The following XRN1 variants were observed in gnomAD, a reference collection of about 807,000 sequenced individuals.
XRN1 encodes 5'-3' exoribonuclease 1.
XRN1 carries 67 observed loss-of-function variants against 222.3 expected under a neutral mutation model. The ratio of observed to expected loss-of-function variants is 0.30; its 90% CI spans 0.25 to 0.37. The LOEUF is 0.37. Ranked by LOEUF, XRN1 falls within the 10% of genes least tolerant of loss-of-function variation. The pLI, the probability that XRN1 is intolerant of heterozygous loss-of-function variation, is 1.00. For synonymous variants in XRN1, 643 were observed against 652.4 expected (o/e 0.99, Z 0.22); for missense variants, 1,707 against 2,000.2 (o/e 0.85, Z 2.80).
At chr3:142,373,500 CAGG>C in intron 25 of XRN1, among the ~76,000 whole-genome samples, 1 of 151,900 alleles carries the variant, frequency 6.6e-6, no homozygotes. Flanking sequence ...AAGAGCTGAA[CAGG>C]AGAAGGGAAG....
chr3:142,387,577 T>C (rs2067553507), intron 20 of XRN1, among the ~76,000 whole-genome samples: 1 of 152,206 alleles, frequency 6.6e-6, no homozygotes, highest in Non-Finnish European at 1.5e-5. Context: ...ATTTTTCTGT[T>C]TCCCAGTACA....
intron 2 of XRN1, among the ~76,000 whole-genome samples, chr3:142,432,250 T>TA (rs1559880914): frequency 4.8e-5 from 6 of 124,032 alleles, no homozygotes; most frequent in African/African-American, 1.9e-4. Flanking sequence ...TAAAATTTAT[T>TA]TTATATATAT....
rs1300155729 is a variant in XRN1 at position 142,311,372 on chromosome 3, ATAACT to A, written c.*134_*138del. ...TTTTAAACAGCATGAAAAGTGCCTG[ATAACT>A]TAAAAATGAAAAAAATTTCAATTTA... is the stretch of plus-strand genomic sequence containing the variant. On this transcript the variant is annotated 3_prime_UTR_variant, in exon 41 of 41. Transcript: ENST00000392981. 21 of 795,778 alleles carry A rather than the reference ATAACT, an allele frequency of 2.6e-5. No individual in the cohort carries two copies. The highest frequency in any genetic ancestry group is 7.9e-5 in the South Asian group (3 of 37,810). 49.3% of individuals were successfully genotyped at this position (795,778 alleles called of 1,614,324 possible).
intron 39 of XRN1, among the ~76,000 whole-genome samples, chr3:142,313,759 C>T (rs1253974528): frequency 1.3e-5 from 2 of 152,128 alleles, no homozygotes; most frequent in East Asian, 1.9e-4. Context: ...TTAGGCGAGG[C>T]GCAGTGGCTC....
At chr3:142,313,225 T>C in intron 39 of XRN1, 1 of 1,560,644 alleles carries the variant, frequency 6.4e-7, no homozygotes, top group Non-Finnish European at 8.7e-7. Flanking sequence ...CACCTTCATA[T>C]GACAGGTAGA....
chr3:142,312,633 G>C lies in XRN1; in HGVS notation c.4747C>G (p.Pro1583Ala). 1 of 1,613,016 alleles carries C rather than the reference G, an allele frequency of 6.2e-7. No homozygotes were observed. ...SGTMPMAGGI[P>A]GGVHNQFIPL... ...ATAAACTGATTGTGCACACCCCCTGGTATTCCCCCAGCCATGGGCATGGTC... is the reference window on the plus strand; with the variant it reads ...ATAAACTGATTGTGCACACCCCCTGCTATTCCCCCAGCCATGGGCATGGTC... Residue 1583 changes from proline (P) to alanine (A), a missense_variant, in exon 40 of 41, where the codon CCA becomes GCA. Coordinates refer to ENST00000392981, the MANE Select transcript of XRN1 (RefSeq NM_001282857.2).
chr3:142,366,937 T>A (rs936535711), intron 27 of XRN1, among the ~76,000 whole-genome samples: 1 of 152,172 alleles, frequency 6.6e-6, no homozygotes, highest in East Asian at 1.9e-4. Flanking sequence ...ATATCTAATG[T>A]ATGAGAAGTT....
chr3:142,346,425 GT>G (rs1335902314), intron 33 of XRN1, among the ~76,000 whole-genome samples: 1 of 151,598 alleles, frequency 6.6e-6, no homozygotes, highest in Non-Finnish European at 1.5e-5. Flanking sequence ...ATACTGTATT[GT>G]TTAGGGGAAT....
At chr3:142,421,627 G>T (rs938492275) in intron 8 of XRN1, 84 bp from the exon 9 acceptor site, 4 of 1,009,510 alleles carry the variant, frequency 4.0e-6, no homozygotes, top group Admixed American at 4.9e-5. Flanking sequence ...ACAAAATGTT[G>T]AATGTTCATG....
intron 2 of XRN1, among the ~76,000 whole-genome samples, chr3:142,428,393 CAAAAAAA>C (rs56759656): frequency 1.8e-4 from 15 of 85,618 alleles, no homozygotes; most frequent in African/African-American, 4.8e-4. Context: ...CAAGACTCTC[CAAAAAAA>C]AAAAAAAAAA....
chr3:142,328,048 A>C (rs1351708306), intron 37 of XRN1, among the ~76,000 whole-genome samples: 1 of 152,176 alleles, frequency 6.6e-6, no homozygotes, highest in Non-Finnish European at 1.5e-5. Context: ...TATATACACC[A>C]CATTTTCTTT....
intron 40 of XRN1, among the ~76,000 whole-genome samples, chr3:142,312,245 G>A (rs986036615): frequency 4.6e-5 from 7 of 152,000 alleles, no homozygotes; most frequent in East Asian, 1.9e-4. Flanking sequence ...CATGGGCTGC[G>A]TTCCAGCCTG....
At chr3:142,407,803 T>TGCA (rs1264217689) in intron 15 of XRN1, 1 of 152,216 alleles carries the variant, frequency 6.6e-6, no homozygotes, top group Non-Finnish European at 1.5e-5. Context: ...ACCAGTCTGT[T>TGCA]AAATGTTCAC....
chr3:142,408,302 G>A (rs960318153), intron 15 of XRN1, among the ~76,000 whole-genome samples: 1 of 152,220 alleles, frequency 6.6e-6, no homozygotes, highest in East Asian at 1.9e-4. Context: ...CCTGCCATTG[G>A]CGCATCTGGC....
intron 1 of XRN1, among the ~76,000 whole-genome samples, chr3:142,443,610 G>A (rs1033862197): frequency 1.3e-5 from 2 of 152,244 alleles, no homozygotes; most frequent in African/African-American, 2.4e-5. Flanking sequence ...TTGTATGGGA[G>A]CTCTGTTTTC....
intron 5 of XRN1, among the ~76,000 whole-genome samples, 177 bp downstream of exon 5, chr3:142,425,045 A>G (rs2069191323): frequency 3.3e-5 from 5 of 152,184 alleles, no homozygotes; most frequent in Admixed American, 6.5e-5. Context: ...TCAATAAACT[A>G]TGGTTAAAAA....
At chr3:142,410,485 A>ATTTTTTT in intron 15 of XRN1, among the ~76,000 whole-genome samples, 1 of 93,456 alleles carries the variant, frequency 1.1e-5, no homozygotes, top group Non-Finnish European at 2.0e-5. Flanking sequence ...ATTCTATCTC[A>ATTTTTTT]TGTTTTTTTT....
intron 27 of XRN1, among the ~76,000 whole-genome samples, chr3:142,369,672 CAA>C (rs750348387): frequency 5.9e-5 from 8 of 136,552 alleles, no homozygotes; most frequent in East Asian, 2.2e-4. Context: ...AAAAAAAAAA[CAA>C]GAGTATATTT....
At chr3:142,355,345 A>G in intron 32 of XRN1, 56 bp downstream of exon 32, 8 of 1,003,660 alleles carry the variant, frequency 8.0e-6, no homozygotes, top group Non-Finnish European at 1.1e-5. Flanking sequence ...TTAAAAGAAA[A>G]ATATAAAAAT....
Sources: allele counts gnomAD v4.1 joint callset (sites outside exome capture counted in the v4.1 genomes callset), GRCh38; gene constraint gnomAD v4.1.1; transcripts MANE v1.5; gene names NCBI Gene and HGNC (gene_info 2026-07-23, HGNC 2026-07-21).